ARB2A: variants seen among roughly 807,000 people sequenced by gnomAD.
ARB2A encodes ARB2 cotranscriptional regulator A.
the ARB2A span, among the ~76,000 whole-genome samples, chr5:93,708,750 A>G: frequency 6.6e-6 from 1 of 151,876 alleles, no homozygotes; most frequent in African/African-American, 2.4e-5. Flanking sequence ...CTTCCAATTC[A>G]TCTTCTTTTT....
At chr5:93,675,191 C>T in the ARB2A span, among the ~76,000 whole-genome samples, 3 of 152,056 alleles carry the variant, frequency 2.0e-5, no homozygotes, top group Admixed American at 1.3e-4. Context: ...TACAGTTGAA[C>T]TTATTAAATC....
chr5:93,947,161 G>A, the ARB2A span, among the ~76,000 whole-genome samples: 1 of 152,050 alleles, frequency 6.6e-6, no homozygotes, highest in Non-Finnish European at 1.5e-5. Context: ...TCTTCAGTAG[G>A]GATTTATTCT....
the ARB2A span, among the ~76,000 whole-genome samples, chr5:94,031,955 T>C: frequency 6.6e-6 from 1 of 152,252 alleles, no homozygotes; most frequent in African/African-American, 2.4e-5. Flanking sequence ...GGTGTCAGCA[T>C]GGTGCTGTCT....
At chr5:94,077,804 C>T in the ARB2A span, among the ~76,000 whole-genome samples, 4 of 152,196 alleles carry the variant, frequency 2.6e-5, no homozygotes, top group African/African-American at 9.7e-5. Flanking sequence ...ATAACCACTG[C>T]TGTTTAAATA....
chr5:93,722,592 T>A, the ARB2A span, among the ~76,000 whole-genome samples: 1 of 152,112 alleles, frequency 6.6e-6, no homozygotes, highest in Non-Finnish European at 1.5e-5. Context: ...ACATTACATA[T>A]ATTACTTTAA....
At chr5:93,931,973 A>G in the ARB2A span, among the ~76,000 whole-genome samples, 1 of 152,194 alleles carries the variant, frequency 6.6e-6, no homozygotes, top group Non-Finnish European at 1.5e-5. Flanking sequence ...GTTCATTCTT[A>G]TTGCAGTAAA....
chr5:93,831,866 G>T, the ARB2A span, among the ~76,000 whole-genome samples: 1 of 152,028 alleles, frequency 6.6e-6, no homozygotes, highest in African/African-American at 2.4e-5. Flanking sequence ...TGTTTCCATG[G>T]GCTTCAAGTA....
At chr5:93,691,959 ACAGAT>A in the ARB2A span, among the ~76,000 whole-genome samples, 1 of 152,210 alleles carries the variant, frequency 6.6e-6, no homozygotes, top group African/African-American at 2.4e-5. Context: ...AAAATCCCTT[ACAGAT>A]AAGCAAATGC....
chr5:93,756,733 C>T, the ARB2A span, among the ~76,000 whole-genome samples: 1 of 152,076 alleles, frequency 6.6e-6, no homozygotes, highest in Non-Finnish European at 1.5e-5. Flanking sequence ...AGCCTTCAAG[C>T]CCTAGACCTT....
the ARB2A span, among the ~76,000 whole-genome samples, chr5:94,042,740 T>A: frequency 6.6e-6 from 1 of 152,214 alleles, no homozygotes; most frequent in Non-Finnish European, 1.5e-5. Flanking sequence ...ACATAAATAG[T>A]ACACTAATTC....
At chr5:93,978,579 C>T in the ARB2A span, among the ~76,000 whole-genome samples, 2 of 151,608 alleles carry the variant, frequency 1.3e-5, no homozygotes, top group African/African-American at 4.9e-5. Flanking sequence ...GACATGGGCA[C>T]AAAGATGGGA....
chr5:94,074,199 C>A, the ARB2A span, among the ~76,000 whole-genome samples: 1 of 152,178 alleles, frequency 6.6e-6, no homozygotes, highest in East Asian at 1.9e-4. Context: ...ATTTCCATAA[C>A]AATGTCTAAC....
At chr5:93,872,736 T>G in the ARB2A span, among the ~76,000 whole-genome samples, 1 of 151,778 alleles carries the variant, frequency 6.6e-6, no homozygotes, top group Non-Finnish European at 1.5e-5. Flanking sequence ...GCTAACACAG[T>G]GATACCCCGT....
the ARB2A span, among the ~76,000 whole-genome samples, chr5:94,014,541 C>G: frequency 6.6e-6 from 1 of 152,048 alleles, no homozygotes; most frequent in Non-Finnish European, 1.5e-5. Context: ...CCCAAATAGA[C>G]AAATCAAGGA....
the ARB2A span, among the ~76,000 whole-genome samples, chr5:93,870,290 A>G: frequency 2.0e-5 from 3 of 152,332 alleles, no homozygotes; most frequent in Non-Finnish European, 2.9e-5. Flanking sequence ...TCAAGAGTTT[A>G]AATGAGATAG....
chr5:93,644,727 T>C, the ARB2A span, among the ~76,000 whole-genome samples: 1 of 152,192 alleles, frequency 6.6e-6, no homozygotes, highest in Non-Finnish European at 1.5e-5. Context: ...GTATTCCTGG[T>C]TGTATTTTTT....
the ARB2A span, among the ~76,000 whole-genome samples, chr5:93,846,204 C>T: frequency 2.0e-5 from 3 of 152,090 alleles, no homozygotes; most frequent in African/African-American, 4.8e-5. Flanking sequence ...AGAAGAGTTG[C>T]TATCTAAAGG....
chr5:93,863,479 G>C, the ARB2A span: 1 of 151,608 alleles, frequency 6.6e-6, no homozygotes, highest in East Asian at 1.9e-4. Flanking sequence ...ATTTTGCCCA[G>C]GCTGTTCTTG....
chr5:94,071,857 T>A, the ARB2A span, among the ~76,000 whole-genome samples: 1 of 152,136 alleles, frequency 6.6e-6, no homozygotes, highest in Non-Finnish European at 1.5e-5. Context: ...GCAATCACAT[T>A]CTTGGGCATT....
Sources: gnomAD v4.1 joint callset for allele counts (sites outside exome capture counted in the v4.1 genomes callset) on GRCh38, gnomAD v4.1.1 for gene constraint, MANE v1.5 for transcripts, NCBI Gene and HGNC (gene_info 2026-07-23, HGNC 2026-07-21) for gene names.